The following ARMC10 variants were observed in gnomAD, a reference collection of about 807,000 sequenced individuals.
ARMC10 encodes armadillo repeat containing 10.
A neutral mutation model predicts 30.2 loss-of-function variants in ARMC10; 23 were observed. The ratio of observed to expected loss-of-function variants is 0.76; its 90% CI spans 0.55 to 1.08. The LOEUF is 1.08. Ranked by LOEUF, ARMC10 falls within the 50% of genes least tolerant of loss-of-function variation. The pLI, the probability that ARMC10 is intolerant of heterozygous loss-of-function variation, is 0.00. For missense variants in ARMC10, 303 were observed against 413.7 expected, an observed-to-expected ratio of 0.73 and a Z score of 2.32; for synonymous variants, 111 against 164.4, an observed-to-expected ratio of 0.68 and a Z score of 2.48.
intron 2 of ARMC10, among the ~76,000 whole-genome samples, chr7:103,082,726 C>CG (rs1800496933): frequency 3.3e-5 from 5 of 152,134 alleles, no homozygotes; most frequent in Non-Finnish European, 7.3e-5. Flanking sequence ...GCCCCTCCCC[C>CG]CACCACCCCA....
At chr7:103,087,064 T>A in intron 4 of ARMC10, 1 of 450,788 alleles carries the variant, frequency 2.2e-6, no homozygotes, top group Non-Finnish European at 3.4e-6. Flanking sequence ...ATAGTGAATA[T>A]AGTTGGCTGA....
In ARMC10 at chr7:103,086,843, G is replaced by A. The variant is rs1314107435; in HGVS notation, c.528+79G>A. On this transcript the variant is annotated intron_variant, in intron 4 of 6. Coordinates refer to ENST00000323716, the MANE Select transcript of ARMC10 (RefSeq NM_031905.5). ...CAAAAAGATGAGTAATGAAACTTTA[G>A]TAGACTATCCTTTGTAATTTTACAG... The A allele has an allele frequency of 3.2e-6, 5 of 1,559,318 alleles. No individual in the cohort carries two copies. In the South Asian group the frequency reaches 4.7e-5, roughly 15 times the overall value.
intron 2 of ARMC10, among the ~76,000 whole-genome samples, chr7:103,082,405 C>CA (rs11354159): frequency 0.024 from 3,352 of 141,518 alleles, 140 homozygotes; most frequent in African/African-American, 0.083. Flanking sequence ...CTGTTTATTG[C>CA]AAAAAAAAAA....
At chr7:103,093,045 GTGAAT>G (rs1801486191) in intron 5 of ARMC10, among the ~76,000 whole-genome samples, 1 of 152,164 alleles carries the variant, frequency 6.6e-6, no homozygotes, top group African/African-American at 2.4e-5. Context: ...AGTAAATGAA[GTGAAT>G]TGAATATATG....
At position 103,075,191 on chromosome 7, in the gene ARMC10, C is replaced by G. The variant is rs1037115269; in HGVS notation, c.-82C>G. 1.6e-5 allele frequency: 16 copies of G among 1,024,728 alleles called. No homozygotes were observed. The highest frequency in any genetic ancestry group is 1.9e-5 in the Non-Finnish European group (16 of 833,470). The allele number at this position is 1,024,728 out of a possible 1,614,324, so 63.5% of individuals were successfully genotyped here. On this transcript the variant is annotated 5_prime_UTR_variant, in exon 1 of 7. Transcript: ENST00000323716. ...GTGGCGTTTGCTGTGGCGGCTAGGC[C>G]CGCGTGCGCTGGAGACCTCCGCGCT...
chr7:103,079,503 G>A (rs1800189436), intron 2 of ARMC10, among the ~76,000 whole-genome samples: 1 of 152,190 alleles, frequency 6.6e-6, no homozygotes. Flanking sequence ...TCAAGAACAA[G>A]AGAAGGGTGT....
At chr7:103,087,033 A>G in intron 4 of ARMC10, 1 of 850,218 alleles carries the variant, frequency 1.2e-6, no homozygotes. Context: ...TAATAGCCTT[A>G]AGGCTATAGG....
chr7:103,091,576 T>C (rs1801334115), intron 4 of ARMC10, among the ~76,000 whole-genome samples: 1 of 152,226 alleles, frequency 6.6e-6, no homozygotes, highest in South Asian at 2.1e-4. Context: ...TTTGATAGGA[T>C]TAATTCTAGG....
intron 4 of ARMC10, among the ~76,000 whole-genome samples, chr7:103,091,249 TGAAA>T (rs1801292825): frequency 2.6e-5 from 4 of 152,050 alleles, no homozygotes; most frequent in African/African-American, 4.8e-5. Context: ...GGCAACATGG[TGAAA>T]CCCTGTCTCT....
In ARMC10 at chr7:103,075,808, G is replaced by T; in HGVS notation, c.171G>T (p.Gln57His). 2 of 1,611,188 alleles carry T rather than the reference G, an allele frequency of 1.2e-6. No homozygotes were observed. The highest frequency in any genetic ancestry group is 1.7e-6 in the Non-Finnish European group (2 of 1,178,852). ...GALEEGTSEG[Q>H]LCGRSARPQT... The stretch of plus-strand genomic sequence containing the variant: ...TGGAAGAAGGGACGTCAGAGGGTCA[G>T]TTGTGCGGGCGCTCGGCCCGGCCTC... Residue 57 changes from glutamine to histidine, a missense_variant, in exon 2 of 7, where the codon CAG becomes CAT. Transcript: ENST00000323716.
rs1802016250 is a variant in ARMC10, at chr7:103,099,141, A to G, written c.*588A>G. 7.2e-6 allele frequency: 1 copy of G among 138,960 alleles called. No individual in the cohort carries two copies. The highest frequency in any genetic ancestry group is 7.6e-5 in the Admixed American group (1 of 13,086). The allele number at this position is 138,960 out of a possible 1,614,324, so 8.6% of individuals were successfully genotyped here. A position where few individuals can be genotyped will look rare whatever the true frequency, so the allele number is the denominator to read the frequency against. On this transcript the variant is annotated 3_prime_UTR_variant, in exon 7 of 7. Coordinates refer to ENST00000323716, the MANE Select transcript of ARMC10 (RefSeq NM_031905.5). ...AATAGTGTGATCAATCACAATGTCCATCTTTAGACAGTTGGTTAAATAAAT... is the reference window on the plus strand; with the variant it reads ...AATAGTGTGATCAATCACAATGTCCGTCTTTAGACAGTTGGTTAAATAAAT...
At chr7:103,076,662 C>A (rs1341393293) in intron 2 of ARMC10, among the ~76,000 whole-genome samples, 1 of 152,122 alleles carries the variant, frequency 6.6e-6, no homozygotes, top group Non-Finnish European at 1.5e-5. Context: ...TGGGGAAGCC[C>A]CATCTCTACT....
intron 5 of ARMC10, among the ~76,000 whole-genome samples, chr7:103,094,760 C>T (rs1801627321): frequency 6.6e-6 from 1 of 152,164 alleles, no homozygotes; most frequent in South Asian, 2.1e-4. Flanking sequence ...CAGAAGTCTC[C>T]TTTACTCTTT....
intron 2 of ARMC10, among the ~76,000 whole-genome samples, chr7:103,076,213 C>T (rs775643783): frequency 1.3e-5 from 2 of 152,184 alleles, no homozygotes; most frequent in Non-Finnish European, 2.9e-5. Context: ...GAACCGATTT[C>T]ATATTACATA....
chr7:103,092,507 T>C lies in ARMC10; in HGVS notation c.559T>C (p.Phe187Leu). Residue 187 changes from phenylalanine (F) to leucine (L), a missense_variant, in exon 5 of 7, where the codon TTC (phenylalanine) becomes CTC (leucine). By Grantham distance (22) the Phe-to-Leu change is conservative. Transcript: ENST00000323716. The stretch of plus-strand genomic sequence containing the variant: ...CATCAGTCAAGTATGTGAGGATGTC[T>C]TCTCTGGTCCTCTGAACTCTGCTGT... Reference protein sequence around the residue: ...IYISQVCEDVFSGPLNSAVQL... With the variant: ...IYISQVCEDVLSGPLNSAVQL... 1 of 1,593,406 alleles carries C rather than the reference T, an allele frequency of 6.3e-7. No homozygotes were observed. The highest frequency in any genetic ancestry group is 8.6e-7 in the Non-Finnish European group (1 of 1,163,114).
rs778752982 is a variant in ARMC10, at chr7:103,075,144, C to T, written c.-129C>T. Reference sequence around the variant, plus strand: ...GGGAGGCGGAGCTCAGACCCCATTTCCTTTCTCCACATCCAGGTCAGGTGG... The same window carrying T: ...GGGAGGCGGAGCTCAGACCCCATTTTCTTTCTCCACATCCAGGTCAGGTGG... On this transcript the variant is annotated 5_prime_UTR_variant, in exon 1 of 7. Coordinates refer to ENST00000323716, the MANE Select transcript of ARMC10 (RefSeq NM_031905.5). 1.6e-6 allele frequency: 1 copy of T among 615,390 alleles called. No individual in the cohort carries two copies. The highest frequency in any genetic ancestry group is 2.1e-6 in the Non-Finnish European group (1 of 466,112). 38.1% of individuals were successfully genotyped at this position (615,390 alleles called of 1,614,324 possible). A position where few individuals can be genotyped will look rare whatever the true frequency, so the allele number is the denominator to read the frequency against.
In ARMC10 at chr7:103,075,205, G is replaced by A; in HGVS notation, c.-68G>A. 2.3e-5 allele frequency: 25 copies of A among 1,099,248 alleles called. No individual in the cohort carries two copies. Among genetic ancestry groups the A allele is most frequent in the Non-Finnish European group, 2.7e-5 (24 of 898,360 alleles). 68.1% of individuals were successfully genotyped at this position (1,099,248 alleles called of 1,614,324 possible). ...GGCGGCTAGGCCCGCGTGCGCTGGA[G>A]ACCTCCGCGCTGGCCCCCGCGAGCC... is the stretch of plus-strand genomic sequence containing the variant. On this transcript the variant is annotated 5_prime_UTR_variant, in exon 1 of 7. Coordinates refer to ENST00000323716, the MANE Select transcript of ARMC10 (RefSeq NM_031905.5).
At chr7:103,096,568 T>A (rs1801777386) in intron 5 of ARMC10, 1 of 152,294 alleles carries the variant, frequency 6.6e-6, no homozygotes. Flanking sequence ...TATTTCTTTA[T>A]TTCTTTTTTG....
intron 5 of ARMC10, chr7:103,096,805 G>C (rs1801795737): frequency 6.3e-6 from 1 of 157,530 alleles, no homozygotes; most frequent in Non-Finnish European, 1.4e-5. Flanking sequence ...AATGAAGATC[G>C]TGTATTTAAC....
Sources: allele counts gnomAD v4.1 joint callset (sites outside exome capture counted in the v4.1 genomes callset), GRCh38; gene constraint gnomAD v4.1.1; transcripts MANE v1.5; gene names NCBI Gene and HGNC (gene_info 2026-07-23, HGNC 2026-07-21).